The following ADAM18 variants were observed in gnomAD, a reference collection of about 807,000 sequenced individuals.
ADAM18 encodes the protein ADAM metallopeptidase domain 18.
A neutral mutation model predicts 94.4 loss-of-function variants in ADAM18; 117 were observed. The ratio of observed to expected loss-of-function variants is 1.24; its 90% confidence interval spans 1.07 to 1.45. The LOEUF (loss-of-function observed/expected upper bound fraction) is 1.45. Among genes scored for constraint, ADAM18 ranks in the 40% most tolerant of loss-of-function variants. The pLI, the probability that ADAM18 is intolerant of heterozygous loss-of-function variation, is 0.00. For synonymous variants in ADAM18, 327 were observed against 291.6 expected (o/e 1.12, Z -1.24); for missense variants, 936 against 880.0 (o/e 1.06, Z -0.81).
chr8:39,650,976 G>A (rs1225788559), intron 12 of ADAM18, among the ~76,000 whole-genome samples: 1 of 152,198 alleles, frequency 6.6e-6, no homozygotes, highest in Admixed American at 6.5e-5. Context: ...AGTATTTATT[G>A]ATCATTATCG....
chr8:39,695,626 C>T (rs1449636826), intron 17 of ADAM18, among the ~76,000 whole-genome samples: 1 of 151,134 alleles, frequency 6.6e-6, no homozygotes, highest in African/African-American at 2.4e-5. Flanking sequence ...CACTATTCTA[C>T]TTGAGGTTTA....
chr8:39,623,541 T>G (rs1414556807), intron 6 of ADAM18, among the ~76,000 whole-genome samples: 2 of 152,080 alleles, frequency 1.3e-5, no homozygotes, highest in African/African-American at 4.8e-5. Flanking sequence ...ATAATGACCA[T>G]TCTGGCTGGG....
intron 2 of ADAM18, among the ~76,000 whole-genome samples, chr8:39,601,777 T>C (rs1160835347): frequency 6.6e-6 from 1 of 152,204 alleles, no homozygotes; most frequent in East Asian, 1.9e-4. Flanking sequence ...TCTCTAGAAT[T>C]TTTTTATATT....
intron 19 of ADAM18, among the ~76,000 whole-genome samples, chr8:39,728,444 G>T (rs568842526): frequency 1.3e-5 from 2 of 152,178 alleles, no homozygotes; most frequent in Admixed American, 1.3e-4. Flanking sequence ...TCAGAAATGT[G>T]TTCAAGTCAT....
chr8:39,664,867 C>G (rs1820949826), intron 13 of ADAM18, among the ~76,000 whole-genome samples: 1 of 152,188 alleles, frequency 6.6e-6, no homozygotes, highest in East Asian at 1.9e-4. Context: ...TCCTTAGTAG[C>G]AAGATATTTT....
intron 2 of ADAM18, chr8:39,604,686 C>T (rs1012085466): frequency 4.6e-5 from 7 of 152,190 alleles, no homozygotes; most frequent in African/African-American, 1.4e-4. Flanking sequence ...TCTGAGGCCT[C>T]CCCAGAAGCC....
At chr8:39,604,245 C>A (rs1415078717) in intron 2 of ADAM18, among the ~76,000 whole-genome samples, 1 of 152,092 alleles carries the variant, frequency 6.6e-6, no homozygotes, top group Admixed American at 6.6e-5. Flanking sequence ...AAAAAACATA[C>A]GAAGTGCTTC....
rs758354112 is a variant in ADAM18, at chr8:39,723,959, C to T, written c.2177+52C>T. 6.3e-6 allele frequency: 7 copies of T among 1,119,504 alleles called. No homozygotes were observed. The Admixed American group carries it at 1.5e-4, about 24-fold the overall frequency. The allele number at this position is 1,119,504 out of a possible 1,614,324, so 69.3% of individuals were successfully genotyped here. On this transcript the variant is annotated intron_variant, in intron 19 of 19. Coordinates refer to ENST00000265707, the MANE Select transcript of ADAM18 (RefSeq NM_014237.3). ...TAGGTTTAATTATCCTAGTCATTAA[C>T]CAGTGTCATGCATTTTATATAACAT...
At chr8:39,620,523 A>G (rs1819584288) in intron 6 of ADAM18, among the ~76,000 whole-genome samples, 1 of 148,116 alleles carries the variant, frequency 6.8e-6, no homozygotes, top group Non-Finnish European at 1.5e-5. Flanking sequence ...TCTCAAAAGA[A>G]CACATACAAG....
At chr8:39,639,902 G>A (rs1820189009) in intron 10 of ADAM18, among the ~76,000 whole-genome samples, 2 of 151,940 alleles carry the variant, frequency 1.3e-5, no homozygotes, top group African/African-American at 2.4e-5. Context: ...TTTGTATTAT[G>A]TGTATCCCTC....
intron 2 of ADAM18, among the ~76,000 whole-genome samples, chr8:39,593,150 T>C (rs950121529): frequency 6.6e-6 from 1 of 152,224 alleles, no homozygotes; most frequent in African/African-American, 2.4e-5. Context: ...ATGAAGAAAG[T>C]TAGGACTTTT....
At chr8:39,648,225 G>A in intron 11 of ADAM18, 119 bp from the exon 12 acceptor site, 1 of 652,694 alleles carries the variant, frequency 1.5e-6, no homozygotes, top group African/African-American at 1.9e-5. Flanking sequence ...TTGAATCTCT[G>A]CTAAAGTATA....
chr8:39,685,425 T>C (rs1821583389), intron 16 of ADAM18: 1 of 152,258 alleles, frequency 6.6e-6, no homozygotes, highest in Admixed American at 6.5e-5. Flanking sequence ...AAGTGCCAAA[T>C]TCCTGTGGGT....
At chr8:39,662,896 A>T (rs1475897588) in intron 12 of ADAM18, among the ~76,000 whole-genome samples, 1 of 152,202 alleles carries the variant, frequency 6.6e-6, no homozygotes, top group Non-Finnish European at 1.5e-5. Context: ...AAGTGCTGGG[A>T]TTACAGGCGT....
intron 7 of ADAM18, among the ~76,000 whole-genome samples, chr8:39,634,561 T>C (rs1820026729): frequency 6.6e-6 from 1 of 152,178 alleles, no homozygotes. Flanking sequence ...TCAAAGAGGA[T>C]CACTTGCAGG....
intron 19 of ADAM18, among the ~76,000 whole-genome samples, chr8:39,729,043 A>T (rs1156336733): frequency 2.0e-5 from 3 of 152,114 alleles, no homozygotes; most frequent in Admixed American, 6.5e-5. Context: ...TGCTTTTTTT[A>T]AAAAACATAT....
chr8:39,690,556 C>T (rs1196901541), intron 16 of ADAM18, among the ~76,000 whole-genome samples: 2 of 152,030 alleles, frequency 1.3e-5, no homozygotes, highest in Non-Finnish European at 2.9e-5. Context: ...TGTAAATTTA[C>T]ATTTCTACCC....
At chr8:39,691,340 G>T (rs10106405) in intron 16 of ADAM18, among the ~76,000 whole-genome samples, 54,012 of 151,900 alleles carry the variant, frequency 0.36, 11,057 homozygotes, top group East Asian at 0.75. Flanking sequence ...TAGCGAGAAT[G>T]CAGAGAAAGG....
chr8:39,614,118 A>AT (rs1819363185), intron 6 of ADAM18, among the ~76,000 whole-genome samples: 1 of 152,222 alleles, frequency 6.6e-6, no homozygotes, highest in Non-Finnish European at 1.5e-5. Flanking sequence ...AATTTAGGAA[A>AT]TTCAGAGAAC....
Sources: allele counts gnomAD v4.1 joint callset (sites outside exome capture counted in the v4.1 genomes callset), GRCh38; gene constraint gnomAD v4.1.1; transcripts MANE v1.5; gene names NCBI Gene and HGNC (gene_info 2026-07-23, HGNC 2026-07-21).